Variants in N4BP2L2 observed in about 807,000 individuals in gnomAD.
The protein encoded by N4BP2L2 is NEDD4 binding protein 2 like 2.
In N4BP2L2, 50 loss-of-function variants were observed where a neutral mutation model predicts 56.2. That is an observed-to-expected ratio of 0.89 (90% CI 0.71 to 1.13). The LOEUF (loss-of-function observed/expected upper bound fraction) is 1.13. Ranked by LOEUF, N4BP2L2 falls within the 50% of genes most tolerant of loss-of-function variation. The pLI is 0.00. For synonymous variants in N4BP2L2, 203 were observed against 223.6 expected (o/e 0.91, Z 0.82); for missense variants, 689 against 693.8 (o/e 0.99, Z 0.08).
chr13:32,448,436 C>A (rs903386480), intron 6 of N4BP2L2, among the ~76,000 whole-genome samples: 1 of 152,046 alleles, frequency 6.6e-6, no homozygotes, highest in Non-Finnish European at 1.5e-5. Flanking sequence ...GTTAGAGGCA[C>A]AGGATGTAGC....
At chr13:32,537,997 G>C (rs368185286) in intron 1 of N4BP2L2, among the ~76,000 whole-genome samples, 136 of 151,604 alleles carry the variant, frequency 9.0e-4, no homozygotes, top group African/African-American at 2.9e-3. Context: ...TTGAACCCGG[G>C]GGGGGCGGAG....
exon 7 of N4BP2L2, chr13:32,443,817 C>T: frequency 1.3e-6 from 2 of 1,587,256 alleles, no homozygotes; most frequent in Admixed American, 3.7e-5. Flanking sequence ...CAACTATAGA[C>T]ATAACGTTTT....
intron 6 of N4BP2L2, among the ~76,000 whole-genome samples, chr13:32,486,254 C>G (rs207649): frequency 0.44 from 67,158 of 151,898 alleles, 15,743 homozygotes; most frequent in African/African-American, 0.61. Context: ...CATTACACCA[C>G]AGGCGATTAG....
At chr13:32,457,365 T>A (rs917347321) in intron 6 of N4BP2L2, among the ~76,000 whole-genome samples, 44 of 152,030 alleles carry the variant, frequency 2.9e-4, no homozygotes, top group African/African-American at 1.1e-3. Context: ...GATTTAGACA[T>A]CTAGATACAG....
At chr13:32,500,730 A>T (rs548112655) in intron 6 of N4BP2L2, among the ~76,000 whole-genome samples, 1 of 151,260 alleles carries the variant, frequency 6.6e-6, no homozygotes, top group East Asian at 2.0e-4. Context: ...AAAAAAAAAA[A>T]GTACTATTAT....
exon 6 of N4BP2L2, chr13:32,513,203 CT>C (rs1160877408): frequency 1.3e-5 from 2 of 152,158 alleles, no homozygotes; most frequent in African/African-American, 4.8e-5. Context: ...TAATCATTAG[CT>C]TTTCAAGGTT....
chr13:32,494,696 G>A (rs1186198003), intron 6 of N4BP2L2, among the ~76,000 whole-genome samples: 2 of 152,174 alleles, frequency 1.3e-5, no homozygotes, highest in African/African-American at 2.4e-5. Context: ...AACCCGGGAG[G>A]CGGAGCTTGC....
chr13:32,436,286 G>C (rs1434837284), intron 9 of N4BP2L2: 1 of 682,830 alleles, frequency 1.5e-6, no homozygotes, highest in Admixed American at 3.5e-5. Context: ...ATACATATGA[G>C]CTATTACAAA....
chr13:32,474,527 TAA>T (rs34753353), intron 6 of N4BP2L2, among the ~76,000 whole-genome samples: 13 of 136,084 alleles, frequency 9.6e-5, no homozygotes, highest in Non-Finnish European at 9.5e-5. Context: ...CTGTCTCTAC[TAA>T]AAAAAAAAAA....
intron 3 of N4BP2L2, chr13:32,527,011 T>C (rs2053200128): frequency 6.5e-6 from 1 of 154,862 alleles, no homozygotes; most frequent in Non-Finnish European, 1.4e-5. Flanking sequence ...ACCAGTATAT[T>C]AAGCCTTGGA....
At chr13:32,450,108 C>T (rs1474053161) in intron 6 of N4BP2L2, among the ~76,000 whole-genome samples, 1 of 152,104 alleles carries the variant, frequency 6.6e-6, no homozygotes, top group Admixed American at 6.5e-5. Context: ...TCTTTTCATG[C>T]TCACATATAA....
At chr13:32,449,287 T>C (rs1281726338) in intron 6 of N4BP2L2, among the ~76,000 whole-genome samples, 1 of 152,214 alleles carries the variant, frequency 6.6e-6, no homozygotes, top group Non-Finnish European at 1.5e-5. Flanking sequence ...TCACTAAACA[T>C]GAAGTGCTAA....
At chr13:32,469,948 C>A (rs1463684452) in intron 6 of N4BP2L2, among the ~76,000 whole-genome samples, 3 of 152,118 alleles carry the variant, frequency 2.0e-5, no homozygotes, top group Non-Finnish European at 4.4e-5. Context: ...GACACTGGAC[C>A]ACCGCAGCCA....
chr13:32,443,646 C>T (rs770140471), exon 7 of N4BP2L2: 5 of 1,611,280 alleles, frequency 3.1e-6, no homozygotes. Context: ...TTCTAATATG[C>T]TTTTCTACCT....
intron 6 of N4BP2L2, among the ~76,000 whole-genome samples, chr13:32,460,369 T>G (rs1383744956): frequency 2.0e-5 from 3 of 152,162 alleles, no homozygotes; most frequent in African/African-American, 7.2e-5. Context: ...CAAATTGTCT[T>G]TGTTTGCACA....
intron 6 of N4BP2L2, among the ~76,000 whole-genome samples, chr13:32,492,916 G>GTTT (rs35025430): frequency 0.015 from 1,654 of 107,448 alleles, 100 homozygotes; most frequent in Admixed American, 0.023. Context: ...TAGCTTTTCT[G>GTTT]TTTTTTTTTT....
At chr13:32,529,684 G>GT (rs766860050) in intron 2 of N4BP2L2, among the ~76,000 whole-genome samples, 11 of 143,892 alleles carry the variant, frequency 7.6e-5, no homozygotes, top group East Asian at 6.1e-4. Context: ...GTTTTGTTTT[G>GT]TTTTTTCCAT....
intron 6 of N4BP2L2, among the ~76,000 whole-genome samples, chr13:32,447,350 G>C (rs1252360497): frequency 8.5e-5 from 13 of 152,160 alleles, no homozygotes; most frequent in Admixed American, 8.5e-4. Flanking sequence ...AGCCAGACTA[G>C]ATGGCCCACA....
At chr13:32,493,555 CTG>C in intron 6 of N4BP2L2, among the ~76,000 whole-genome samples, 1 of 152,256 alleles carries the variant, frequency 6.6e-6, no homozygotes, top group East Asian at 1.9e-4. Flanking sequence ...CTGCTGGGTA[CTG>C]TGAGTTGGAT....
Sources: gnomAD v4.1 joint callset for allele counts (sites outside exome capture counted in the v4.1 genomes callset) on GRCh38, gnomAD v4.1.1 for gene constraint, MANE v1.5 for transcripts, NCBI Gene and HGNC (gene_info 2026-07-23, HGNC 2026-07-21) for gene names.